The following CCDC38 variants were observed in gnomAD, a reference collection of about 807,000 sequenced individuals.
The protein encoded by CCDC38 is coiled-coil domain containing 38.
CCDC38 carries 69 observed loss-of-function variants against 72.8 expected under a neutral mutation model. The observed-to-expected ratio is 0.95, with a 90% CI of 0.78 to 1.16. The LOEUF (loss-of-function observed/expected upper bound fraction) is 1.16, where lower values mean the gene tolerates loss of function less well. Ranked by LOEUF, CCDC38 falls within the 50% of genes most tolerant of loss-of-function variation. The pLI, the probability that CCDC38 is intolerant of heterozygous loss-of-function variation, is 0.00. For synonymous variants in CCDC38, 201 were observed against 213.2 expected (o/e 0.94, Z 0.50); for missense variants, 626 against 638.9 (o/e 0.98, Z 0.22).
intron 4 of CCDC38, among the ~76,000 whole-genome samples, chr12:95,911,794 G>A (rs2080097222): frequency 6.6e-6 from 1 of 152,184 alleles, no homozygotes; most frequent in Admixed American, 6.5e-5. Context: ...GCCCCATGTG[G>A]AAAGCAGTTT....
chr12:95,890,329 G>A (rs568533237), intron 9 of CCDC38, among the ~76,000 whole-genome samples: 3 of 152,338 alleles, frequency 2.0e-5, no homozygotes, highest in African/African-American at 7.2e-5. Context: ...CAGAGTGGGA[G>A]GAGGAGGGTC....
At position 95,867,160 on chromosome 12, in the gene CCDC38, T is replaced by A; in HGVS notation, c.1608A>T (p.Lys536Asn). The A allele has an allele frequency of 6.2e-7, 1 of 1,606,730 alleles. No homozygotes were observed. Among genetic ancestry groups the A allele is most frequent in the Non-Finnish European group, 8.5e-7 (1 of 1,175,664 alleles). The part of the protein sequence containing the change: ...KLGRRLVFHS[K>N]PPSGNKQQLP... ...GCTGCTGTTTGTTACCAGATGGAGGTTTTGAATGAAAGACAAGTCGTCTTC... is the reference window on the plus strand; with the variant it reads ...GCTGCTGTTTGTTACCAGATGGAGGATTTGAATGAAAGACAAGTCGTCTTC... The change falls in exon 16 of 16, where the codon AAA (lysine) becomes AAT (asparagine). Residue 536 changes from lysine (K) to asparagine (N), a missense_variant. Physicochemically the swap from Lys to Asn is moderately conservative, Grantham distance 94. Transcript: ENST00000344280.
At chr12:95,892,210 AC>A (rs2079835187) in intron 8 of CCDC38, among the ~76,000 whole-genome samples, 1 of 138,870 alleles carries the variant, frequency 7.2e-6, no homozygotes, top group African/African-American at 2.7e-5. Flanking sequence ...GGTCCTGGTT[AC>A]CCCAATGTTA....
intron 2 of CCDC38, among the ~76,000 whole-genome samples, chr12:95,929,429 G>A (rs903828786): frequency 2.6e-5 from 4 of 152,086 alleles, no homozygotes; most frequent in Admixed American, 1.3e-4. Context: ...ACTGACCTGC[G>A]CCCACTGTCT....
intron 2 of CCDC38, 29 bp downstream of exon 2, chr12:95,936,444 C>T: frequency 6.2e-7 from 1 of 1,607,716 alleles, no homozygotes; most frequent in South Asian, 1.1e-5. Context: ...CAGGCCCAAA[C>T]AAGAATATAT....
chr12:95,874,766 C>T (rs80065696), intron 13 of CCDC38, among the ~76,000 whole-genome samples: 5 of 152,200 alleles, frequency 3.3e-5, no homozygotes, highest in African/African-American at 9.6e-5. Context: ...CAACAGTGAA[C>T]GGGAAGTGAT....
chr12:95,929,989 A>G (rs1441455388), intron 2 of CCDC38, among the ~76,000 whole-genome samples: 8 of 152,012 alleles, frequency 5.3e-5, no homozygotes, highest in African/African-American at 1.9e-4. Flanking sequence ...TTATAAGGAC[A>G]CTTATCATTG....
chr12:95,897,334 C>T (rs1262828865), intron 7 of CCDC38, among the ~76,000 whole-genome samples: 4 of 151,996 alleles, frequency 2.6e-5, no homozygotes, highest in Non-Finnish European at 4.4e-5. Flanking sequence ...TTAGGCCGGG[C>T]GCGGTGACTC....
intron 1 of CCDC38, among the ~76,000 whole-genome samples, chr12:95,941,710 T>A (rs889652182): frequency 1.3e-5 from 2 of 152,250 alleles, no homozygotes; most frequent in East Asian, 3.8e-4. Context: ...TGACTTTATG[T>A]GTTTCTATTC....
chr12:95,888,227 A>C (rs1317261976), intron 10 of CCDC38, among the ~76,000 whole-genome samples: 1 of 152,240 alleles, frequency 6.6e-6, no homozygotes, highest in African/African-American at 2.4e-5. Flanking sequence ...CAAAGACCCA[A>C]GATGCAGGGG....
intron 8 of CCDC38, 43 bp downstream of exon 8, chr12:95,894,946 T>C (rs760532419): frequency 1.4e-5 from 20 of 1,451,720 alleles, no homozygotes; most frequent in African/African-American, 2.9e-5. Flanking sequence ...GATTTTAGAG[T>C]TAGGGATATT....
intron 4 of CCDC38, among the ~76,000 whole-genome samples, chr12:95,915,881 A>G (rs560933559): frequency 6.6e-6 from 1 of 152,146 alleles, no homozygotes; most frequent in African/African-American, 2.4e-5. Context: ...CCCAAAATTC[A>G]TCCAAGACAC....
intron 5 of CCDC38, among the ~76,000 whole-genome samples, chr12:95,901,714 C>T (rs905543087): frequency 7.9e-5 from 12 of 152,190 alleles, no homozygotes; most frequent in African/African-American, 2.9e-4. Flanking sequence ...TGCTGAAAGG[C>T]CAAGTGTTAA....
intron 2 of CCDC38, among the ~76,000 whole-genome samples, chr12:95,922,425 G>A (rs2080218978): frequency 6.6e-6 from 1 of 152,204 alleles, no homozygotes; most frequent in African/African-American, 2.4e-5. Context: ...AATCACCAGT[G>A]GTGGGAGGCA....
chr12:95,892,911 C>A (rs1377911166), intron 8 of CCDC38, among the ~76,000 whole-genome samples: 2 of 152,056 alleles, frequency 1.3e-5, no homozygotes, highest in Non-Finnish European at 2.9e-5. Flanking sequence ...ATATCTGGTC[C>A]GTTGAGCTGA....
intron 7 of CCDC38, among the ~76,000 whole-genome samples, chr12:95,895,659 A>G (rs1010119384): frequency 6.7e-6 from 1 of 148,856 alleles, no homozygotes; most frequent in African/African-American, 2.5e-5. Context: ...AGGCTGAGGC[A>G]GGAGAATCGC....
chr12:95,937,841 G>A (rs764450854), intron 1 of CCDC38, among the ~76,000 whole-genome samples: 10 of 152,100 alleles, frequency 6.6e-5, no homozygotes, highest in Non-Finnish European at 7.4e-5. Flanking sequence ...TACGTGTGGG[G>A]GACAGGGCAA....
At chr12:95,900,670 G>T (rs567922317) in intron 5 of CCDC38, among the ~76,000 whole-genome samples, 1 of 152,132 alleles carries the variant, frequency 6.6e-6, no homozygotes, top group Admixed American at 6.5e-5. Flanking sequence ...GAATGCCTGA[G>T]TATTTGTACT....
chr12:95,895,199 C>T, intron 7 of CCDC38, 53 bp from the exon 8 acceptor site: 1 of 1,341,966 alleles, frequency 7.5e-7, no homozygotes. Flanking sequence ...AAAGCACATT[C>T]ATTAGAAAAA....
Sources: gnomAD v4.1 joint callset for allele counts (sites outside exome capture counted in the v4.1 genomes callset) on GRCh38, gnomAD v4.1.1 for gene constraint, MANE v1.5 for transcripts, NCBI Gene and HGNC (gene_info 2026-07-23, HGNC 2026-07-21) for gene names.